NBEA: variants seen among roughly 807,000 people sequenced by gnomAD.
The protein encoded by NBEA is lysosomal-trafficking regulator 2.
NBEA carries 44 observed loss-of-function variants against 343.4 expected under a neutral mutation model. The observed-to-expected ratio is 0.13, with a 90% CI of 0.10 to 0.16. The LOEUF (loss-of-function observed/expected upper bound fraction) is 0.16, where lower values mean the gene tolerates loss of function less well. NBEA is among the 10% of genes least tolerant of loss of function. The pLI is 1.00. For missense variants in NBEA, 2,555 were observed against 3,631.3 expected, an observed-to-expected ratio of 0.70 and a Z score of 7.62; for synonymous variants, 1,175 against 1,238.7, an observed-to-expected ratio of 0.95 and a Z score of 1.08.
At chr13:35,188,041 T>C (rs2071852959) in intron 30 of NBEA, among the ~76,000 whole-genome samples, 1 of 152,150 alleles carries the variant, frequency 6.6e-6, no homozygotes, top group African/African-American at 2.4e-5. Context: ...TCCATTATTA[T>C]TCTTTCTCAT....
At chr13:35,063,908 T>C (rs923333354) in intron 8 of NBEA, among the ~76,000 whole-genome samples, 2 of 151,724 alleles carry the variant, frequency 1.3e-5, no homozygotes, top group Non-Finnish European at 2.9e-5. Context: ...CAAGAGAGGA[T>C]TGAGAGGAGC....
At chr13:35,459,493 A>G (rs2046791307) in intron 40 of NBEA, among the ~76,000 whole-genome samples, 1 of 149,636 alleles carries the variant, frequency 6.7e-6, no homozygotes, top group Non-Finnish European at 1.5e-5. Flanking sequence ...TTGTGATAGA[A>G]AAAAAAAAAA....
chr13:35,457,559 C>A (rs2152949982), intron 40 of NBEA, among the ~76,000 whole-genome samples: 1 of 152,252 alleles, frequency 6.6e-6, no homozygotes, highest in East Asian at 1.9e-4. Flanking sequence ...TGTCTGCCTT[C>A]TTTCACTTAG....
At chr13:35,332,772 A>C (rs138923611) in intron 36 of NBEA, among the ~76,000 whole-genome samples, 221 of 152,276 alleles carry the variant, frequency 1.5e-3, no homozygotes, top group African/African-American at 4.9e-3. Flanking sequence ...TGAAAGAATT[A>C]ATAGATTAAA....
intron 34 of NBEA, among the ~76,000 whole-genome samples, chr13:35,236,206 T>C (rs1158342490): frequency 6.6e-6 from 1 of 152,180 alleles, no homozygotes; most frequent in Non-Finnish European, 1.5e-5. Context: ...TGCTAGTTCA[T>C]ACAACCCAGA....
chr13:35,366,276 G>T (rs374600145), intron 38 of NBEA, among the ~76,000 whole-genome samples: 1 of 151,424 alleles, frequency 6.6e-6, no homozygotes, highest in East Asian at 1.9e-4. Context: ...ATAAATATAA[G>T]CCAGTAAGCA....
rs545233308 is a variant in NBEA at position 34,988,653 on chromosome 13, T to C, written c.294+45539T>C. Among the ~76,000 whole-genome samples the C allele has an allele frequency of 4.2e-4, 64 of 151,152 alleles. 1 individual carries two copies. Among genetic ancestry groups the C allele is most frequent in the Middle Eastern group, 3.4e-3 (1 of 294 alleles). On this transcript the variant is annotated intron_variant, in intron 1 of 58. Coordinates refer to ENST00000379939, the MANE Select transcript of NBEA (RefSeq NM_001385012.1). ...TGCCATTTGCTGCGGACCAGAGCTG[T>C]TCCTATTCGGCCATCTTGGACTGAC...
At chr13:34,952,999 A>C (rs2059393466) in intron 1 of NBEA, among the ~76,000 whole-genome samples, 1 of 152,162 alleles carries the variant, frequency 6.6e-6, no homozygotes, top group Non-Finnish European at 1.5e-5. Context: ...AATGAGATCC[A>C]AAGTTGGATC....
intron 4 of NBEA, among the ~76,000 whole-genome samples, chr13:35,045,635 A>T (rs1330047015): frequency 1.3e-5 from 2 of 152,006 alleles, no homozygotes; most frequent in Non-Finnish European, 2.9e-5. Context: ...ACTACTTCTG[A>T]TTTACTTTGT....
At chr13:35,533,682 A>T (rs2078383903) in intron 41 of NBEA, among the ~76,000 whole-genome samples, 1 of 152,202 alleles carries the variant, frequency 6.6e-6, no homozygotes, top group Admixed American at 6.5e-5. Context: ...TGCTACATAA[A>T]ATTCTAAACC....
chr13:34,954,691 A>C (rs1048638804), intron 1 of NBEA, among the ~76,000 whole-genome samples: 10 of 152,196 alleles, frequency 6.6e-5, no homozygotes, highest in Non-Finnish European at 1.3e-4. Flanking sequence ...AAAATGGCAT[A>C]GTATTTGCAT....
chr13:35,067,253 T>C (rs879873547), intron 8 of NBEA, among the ~76,000 whole-genome samples: 16 of 152,136 alleles, frequency 1.1e-4, no homozygotes, highest in Non-Finnish European at 4.4e-5. Context: ...TTCATTTGTT[T>C]CTGTGGATTC....
intron 39 of NBEA, among the ~76,000 whole-genome samples, chr13:35,445,741 C>A (rs993683743): frequency 1.5e-4 from 21 of 138,390 alleles, no homozygotes; most frequent in African/African-American, 5.7e-4. Context: ...CAAAATTGAA[C>A]AATGATAAGA....
In NBEA at chr13:35,211,156, A is replaced by T; in HGVS notation, c.5625A>T (p.Pro1875=). Residue 1875 remains proline (P), a synonymous_variant, in exon 33 of 59, where the codon CCA becomes CCT. Coordinates refer to ENST00000379939, the MANE Select transcript of NBEA (RefSeq NM_001385012.1). ...LPAVQTVAPM[P]EDSAENMSIT... Reference sequence around the variant, plus strand: ...CTGTACAAACTGTTGCTCCAATGCCAGAAGATTCAGCTGAAAATATGAGGT... The same window carrying T: ...CTGTACAAACTGTTGCTCCAATGCCTGAAGATTCAGCTGAAAATATGAGGT... 6.4e-7 allele frequency: 1 copy of T among 1,554,610 alleles called. No individual in the cohort carries two copies. Among genetic ancestry groups the T allele is most frequent in the Non-Finnish European group, 8.7e-7 (1 of 1,147,928 alleles).
At chr13:35,363,378 A>G (rs1236431996) in intron 38 of NBEA, among the ~76,000 whole-genome samples, 1 of 151,874 alleles carries the variant, frequency 6.6e-6, no homozygotes, top group African/African-American at 2.4e-5. Context: ...GGGCATGGCT[A>G]TATGGATTCC....
intron 39 of NBEA, among the ~76,000 whole-genome samples, chr13:35,437,875 G>A (rs2152934703): frequency 6.6e-6 from 1 of 152,206 alleles, no homozygotes; most frequent in African/African-American, 2.4e-5. Context: ...TCAAATTCTG[G>A]TGCATTTCTA....
rs71081255 is a variant in NBEA, at chr13:35,445,782, T to TTATATATATATA, written c.6305-6286_6305-6275dup. Among the ~76,000 whole-genome samples the TTATATATATATA allele has an allele frequency of 2.7e-3, 301 of 113,140 alleles. 4 individuals carry two copies. Among genetic ancestry groups the TTATATATATATA allele is most frequent in the African/African-American group, 6.0e-3 (177 of 29,328 alleles). The allele number at this position is 113,140 out of a possible 152,430, so 74.2% of individuals were successfully genotyped here. On this transcript the variant is annotated intron_variant, in intron 39 of 58. Coordinates refer to ENST00000379939, the MANE Select transcript of NBEA (RefSeq NM_001385012.1). The stretch of plus-strand genomic sequence containing the variant: ...TGACTTAATTCTAAGATATAAATGT[T>TTATATATATATA]TATATATATATATATATATATATAT...
chr13:35,536,215 A>G (rs2078532389), intron 41 of NBEA, among the ~76,000 whole-genome samples: 1 of 152,202 alleles, frequency 6.6e-6, no homozygotes, highest in Non-Finnish European at 1.5e-5. Context: ...AACCTGAAAA[A>G]TAATTCACAT....
At chr13:35,376,712 G>A (rs2041761164) in intron 38 of NBEA, among the ~76,000 whole-genome samples, 2 of 152,184 alleles carry the variant, frequency 1.3e-5, no homozygotes. Flanking sequence ...TAGACTGTGA[G>A]GTGATTAGTC....
Sources: allele counts gnomAD v4.1 joint callset (sites outside exome capture counted in the v4.1 genomes callset), GRCh38; gene constraint gnomAD v4.1.1; transcripts MANE v1.5; gene names NCBI Gene and HGNC (gene_info 2026-07-23, HGNC 2026-07-21).